The following VWA3B variants were observed in gnomAD, a reference collection of about 807,000 sequenced individuals.
VWA3B encodes the protein von Willebrand factor A domain containing 3B.
A neutral mutation model predicts 158.3 loss-of-function variants in VWA3B; 138 were observed. The ratio of observed to expected loss-of-function variants is 0.87; its 90% CI spans 0.76 to 1.00. The LOEUF is 1.00. VWA3B is among the 50% of genes least tolerant of loss of function. VWA3B has a pLI of 0.00. For missense variants in VWA3B, 1,555 were observed against 1,565.1 expected, an observed-to-expected ratio of 0.99 and a Z score of 0.11; for synonymous variants, 596 against 587.3, an observed-to-expected ratio of 1.01 and a Z score of -0.21.
intron 7 of VWA3B, among the ~76,000 whole-genome samples, chr2:98,152,598 T>C (rs1424035369): frequency 6.6e-6 from 1 of 152,244 alleles, no homozygotes; most frequent in Non-Finnish European, 1.5e-5. Context: ...TCTCTTCCTG[T>C]ATATCCTTGA....
Position 98,248,871 on chromosome 2 carries a change from CTTT to C in VWA3B, c.2674-1446_2674-1444del, listed in dbSNP as rs1686597089. On this transcript the variant is annotated intron_variant, in intron 19 of 27. Transcript: ENST00000477737. ...TCTTTCTTTCTTTCTTTCTTTCTTT[CTTT>C]CTTTCTTTCTCTCTTTCCTTTCTTT... 1.1e-4 allele frequency among the ~76,000 whole-genome samples: 7 copies of C among 61,074 alleles called. No individual in the cohort carries two copies. The South Asian group carries it at 2.4e-3, about 21-fold the overall frequency. The allele number at this position is 61,074 out of a possible 152,430, so 40.1% of individuals were successfully genotyped here.
intron 16 of VWA3B, among the ~76,000 whole-genome samples, chr2:98,233,949 G>A (rs1411192637): frequency 6.6e-6 from 1 of 152,162 alleles, no homozygotes; most frequent in East Asian, 1.9e-4. Flanking sequence ...GTCCTCTAAA[G>A]CACACAGATT....
intron 13 of VWA3B, among the ~76,000 whole-genome samples, chr2:98,214,507 G>T (rs1302792231): frequency 6.6e-6 from 1 of 152,088 alleles, no homozygotes; most frequent in Non-Finnish European, 1.5e-5. Flanking sequence ...CCTTTCACCA[G>T]CTAGGAGGCA....
Position 98,093,236 on chromosome 2 carries a change from C to A in VWA3B, c.144C>A (p.Asn48Lys). 6.2e-7 allele frequency: 1 copy of A among 1,614,120 alleles called. No individual in the cohort carries two copies. The highest frequency in any genetic ancestry group is 8.5e-7 in the Non-Finnish European group (1 of 1,180,000). ...TTCAACTGCATGGGCTTAAGAGCAA[C>A]AAATTGACCTTGAAACAGATTTTGT... Reference protein sequence around the residue: ...KWLQLHGLKSNKLTLKQILSQ... With the variant: ...KWLQLHGLKSKKLTLKQILSQ... Residue 48 changes from asparagine (N) to lysine (K), a missense_variant, in exon 2 of 28, where the codon AAC becomes AAA. Asn to Lys is a moderately conservative substitution (Grantham distance 94, BLOSUM62 0). Transcript: ENST00000477737.
chr2:98,142,457 A>T (rs1258589437), intron 7 of VWA3B, among the ~76,000 whole-genome samples: 1 of 151,570 alleles, frequency 6.6e-6, no homozygotes, highest in Non-Finnish European at 1.5e-5. Context: ...AAACCGTAAT[A>T]CCTCTCCTAG....
chr2:98,179,116 C>A, intron 8 of VWA3B: 1 of 435,812 alleles, frequency 2.3e-6, no homozygotes. Flanking sequence ...TTCATCCTAC[C>A]AAGCGGCCAT....
At chr2:98,211,026 A>G (rs1035421179) in intron 12 of VWA3B, among the ~76,000 whole-genome samples, 1 of 152,202 alleles carries the variant, frequency 6.6e-6, no homozygotes. Flanking sequence ...CACAGCATCC[A>G]GCGCTCTGCA....
At chr2:98,160,184 C>G (rs924256337) in intron 7 of VWA3B, among the ~76,000 whole-genome samples, 7 of 152,098 alleles carry the variant, frequency 4.6e-5, no homozygotes, top group Admixed American at 4.6e-4. Context: ...TATCTGAGAT[C>G]CCAACTAAGT....
At chr2:98,199,512 A>G (rs540541506) in intron 12 of VWA3B, among the ~76,000 whole-genome samples, 10 of 152,270 alleles carry the variant, frequency 6.6e-5, no homozygotes, top group South Asian at 4.1e-4. Flanking sequence ...CTGAGCCCCA[A>G]TTTCCGCAGG....
At chr2:98,135,357 A>G in intron 7 of VWA3B, among the ~76,000 whole-genome samples, 1 of 77,580 alleles carries the variant, frequency 1.3e-5, no homozygotes, top group Non-Finnish European at 2.3e-5. Flanking sequence ...TTTTTTTGAG[A>G]CAGAGTCTCG....
the VWA3B span, among the ~76,000 whole-genome samples, chr2:98,326,263 A>T: frequency 6.6e-6 from 1 of 152,220 alleles, no homozygotes; most frequent in Non-Finnish European, 1.5e-5. Context: ...AAATAATATT[A>T]TGGACAAACT....
intron 7 of VWA3B, among the ~76,000 whole-genome samples, chr2:98,135,481 G>T (rs901431140): frequency 2.0e-5 from 3 of 148,264 alleles, no homozygotes; most frequent in Non-Finnish European, 4.5e-5. Context: ...GACTACAGGC[G>T]CCCGCCACTA....
intron 12 of VWA3B, among the ~76,000 whole-genome samples, chr2:98,209,560 G>A (rs997398903): frequency 3.9e-5 from 6 of 152,092 alleles, no homozygotes; most frequent in African/African-American, 7.2e-5. Flanking sequence ...GATTACAGGC[G>A]TGAGCCACCG....
chr2:98,128,290 G>A lies in VWA3B; in HGVS notation c.754G>A (p.Glu252Lys), dbSNP rs780808642. The A allele has an allele frequency of 1.9e-6, 3 of 1,614,120 alleles. No homozygotes were observed. Among genetic ancestry groups the A allele is most frequent in the Admixed American group, 1.7e-5 (1 of 60,010 alleles). ...GGGGGATGTTCCTGAAGAATCCAAG[G>A]AGCTTCTCCTCCAGAGGGCCTTGGA... ...VVGDVPEESK[E>K]LLLQRALEIP... is the part of the protein sequence containing the mutation. Residue 252 changes from glutamate to lysine, a missense_variant, in exon 6 of 28, where the codon GAG becomes AAG. Glu to Lys is a moderately conservative substitution (Grantham distance 56). Transcript: ENST00000477737.
intron 7 of VWA3B, among the ~76,000 whole-genome samples, chr2:98,155,886 AC>A (rs1202889174): frequency 3.9e-5 from 6 of 152,110 alleles, no homozygotes; most frequent in Non-Finnish European, 4.4e-5. Context: ...AAATCACCCA[AC>A]TTTTTTTTTC....
chr2:98,155,994 C>T (rs185513543), intron 7 of VWA3B, among the ~76,000 whole-genome samples: 13 of 152,226 alleles, frequency 8.5e-5, no homozygotes, highest in Admixed American at 2.0e-4. Flanking sequence ...ATCACTGGGA[C>T]GCTTTAAGAA....
At chr2:98,229,909 A>T in intron 15 of VWA3B, 141 bp from the exon 16 acceptor site, 2 of 922,626 alleles carry the variant, frequency 2.2e-6, no homozygotes, top group Non-Finnish European at 1.6e-6. Flanking sequence ...GACTATTTTT[A>T]TATTAACCCA....
intron 5 of VWA3B, 41 bp downstream of exon 5, chr2:98,121,499 G>C (rs774709273): frequency 1.3e-6 from 2 of 1,598,748 alleles, no homozygotes; most frequent in South Asian, 1.1e-5. Flanking sequence ...CATGGAGGTG[G>C]CTTCCAGCTT....
intron 16 of VWA3B, among the ~76,000 whole-genome samples, chr2:98,232,475 T>TA (rs1311560026): frequency 6.6e-6 from 1 of 152,220 alleles, no homozygotes; most frequent in Non-Finnish European, 1.5e-5. Context: ...GTAGCCTCTT[T>TA]AAAATCCTTG....
Sources: allele counts gnomAD v4.1 joint callset (sites outside exome capture counted in the v4.1 genomes callset), GRCh38; gene constraint gnomAD v4.1.1; transcripts MANE v1.5; gene names NCBI Gene and HGNC (gene_info 2026-07-23, HGNC 2026-07-21).